The following GRM5 variants were observed in gnomAD, a reference collection of about 807,000 sequenced individuals.
GRM5 encodes the protein metabotropic glutamate receptor 5.
A neutral mutation model predicts 83.1 loss-of-function variants in GRM5; 19 were observed. The observed-to-expected ratio is 0.23, with a 90% CI of 0.16 to 0.34. GRM5 has a LOEUF of 0.34. GRM5 is among the 10% of genes least tolerant of loss of function. GRM5 has a pLI of 1.00. For synonymous variants in GRM5, 675 were observed against 633.6 expected (o/e 1.07, Z -0.98); for missense variants, 1,160 against 1,588.3 (o/e 0.73, Z 4.58).
At chr11:88,769,238 C>T (rs1942681517) in intron 3 of GRM5, among the ~76,000 whole-genome samples, 1 of 151,886 alleles carries the variant, frequency 6.6e-6, no homozygotes, top group Non-Finnish European at 1.5e-5. Flanking sequence ...GAGATTGATC[C>T]ATATGGTAAT....
At chr11:88,823,226 C>T (rs1943832806) in intron 3 of GRM5, among the ~76,000 whole-genome samples, 1 of 150,148 alleles carries the variant, frequency 6.7e-6, no homozygotes, top group Non-Finnish European at 1.5e-5. Context: ...TTATTATATT[C>T]CTTTGTGGAA....
chr11:88,734,503 T>G (rs1302038441), intron 3 of GRM5, among the ~76,000 whole-genome samples: 1 of 152,024 alleles, frequency 6.6e-6, no homozygotes, highest in Admixed American at 6.6e-5. Context: ...CCTCCCATGT[T>G]TTTTGCAACA....
intron 2 of GRM5, among the ~76,000 whole-genome samples, chr11:88,995,865 G>T (rs1317811440): frequency 1.3e-5 from 2 of 151,960 alleles, no homozygotes; most frequent in Non-Finnish European, 1.5e-5. Flanking sequence ...TTACATATTG[G>T]GGCTCTGGGC....
At chr11:88,999,549 T>C (rs1298233039) in intron 2 of GRM5, among the ~76,000 whole-genome samples, 12 of 152,196 alleles carry the variant, frequency 7.9e-5, no homozygotes, top group Admixed American at 7.2e-4. Flanking sequence ...TACCATCTCA[T>C]ACCAGTTAGA....
At chr11:88,818,559 TTTC>T (rs1943729598) in intron 3 of GRM5, among the ~76,000 whole-genome samples, 1 of 152,150 alleles carries the variant, frequency 6.6e-6, no homozygotes, top group African/African-American at 2.4e-5. Context: ...CTTGTATAAT[TTTC>T]TTATTATTTT....
chr11:88,625,469 T>G (rs1041520353), intron 4 of GRM5, among the ~76,000 whole-genome samples: 1 of 152,030 alleles, frequency 6.6e-6, no homozygotes, highest in South Asian at 2.1e-4. Flanking sequence ...AAAGAAGTAT[T>G]TGGTGGATTT....
intron 3 of GRM5, among the ~76,000 whole-genome samples, chr11:88,753,333 A>C (rs373128891): frequency 6.6e-6 from 1 of 152,022 alleles, no homozygotes; most frequent in African/African-American, 2.4e-5. Flanking sequence ...CATGTGGCCA[A>C]TAAACATATG....
chr11:88,870,332 AAAT>A (rs2135560562), intron 2 of GRM5, among the ~76,000 whole-genome samples: 1 of 151,738 alleles, frequency 6.6e-6, no homozygotes, highest in African/African-American at 2.4e-5. Context: ...TATAGAATGA[AAAT>A]AATATTTAAA....
Position 88,809,893 on chromosome 11 carries a change from G to A in GRM5, c.911+40013C>T, listed in dbSNP as rs1464627281. Reference sequence around the variant, plus strand: ...TTAATTTAGCATAAATATATCCCATGCAATCTTAGGGATAGCTGATACTAA... The same window carrying A: ...TTAATTTAGCATAAATATATCCCATACAATCTTAGGGATAGCTGATACTAA... On this transcript the variant is annotated intron_variant, in intron 3 of 9. Transcript: ENST00000305447. 2.6e-5 allele frequency among the ~76,000 whole-genome samples: 4 copies of A among 152,022 alleles called. No individual in the cohort carries two copies. In the East Asian group the frequency reaches 7.7e-4, roughly 29 times the overall value.
chr11:88,650,727 T>C (rs1468426446), intron 4 of GRM5, among the ~76,000 whole-genome samples: 1 of 152,044 alleles, frequency 6.6e-6, no homozygotes, highest in East Asian at 1.9e-4. Flanking sequence ...TTGAACTATA[T>C]ATTGACTATT....
At chr11:88,660,399 C>G (rs539282197) in intron 3 of GRM5, among the ~76,000 whole-genome samples, 1 of 152,248 alleles carries the variant, frequency 6.6e-6, no homozygotes, top group African/African-American at 2.4e-5. Flanking sequence ...ATACAATGGG[C>G]ATGGATTTTC....
chr11:88,560,299 C>T (rs889593546), intron 8 of GRM5, among the ~76,000 whole-genome samples: 2 of 152,120 alleles, frequency 1.3e-5, no homozygotes, highest in African/African-American at 2.4e-5. Context: ...TTTCTAATTT[C>T]GGGCAGAATT....
At chr11:88,743,348 G>T (rs1041384831) in intron 3 of GRM5, among the ~76,000 whole-genome samples, 1 of 152,142 alleles carries the variant, frequency 6.6e-6, no homozygotes, top group Non-Finnish European at 1.5e-5. Context: ...ACTAGTACAA[G>T]ATTCTAGGGG....
intron 1 of GRM5, among the ~76,000 whole-genome samples, chr11:89,059,045 A>G (rs1259847940): frequency 6.6e-6 from 1 of 152,158 alleles, no homozygotes; most frequent in Non-Finnish European, 1.5e-5. Context: ...GTAAAATATA[A>G]TGAATGTAAG....
chr11:88,844,401 T>TAC lies in GRM5; in HGVS notation c.911+5503_911+5504dup, dbSNP rs1555025988. On this transcript the variant is annotated intron_variant, in intron 3 of 9. Coordinates refer to ENST00000305447, the MANE Select transcript of GRM5 (RefSeq NM_001143831.3). ...ACACACACACACACATATATATATA[T>TAC]ACAAAAATCCTTTCAAAATACTACT... is the stretch of plus-strand genomic sequence containing the variant. Among the ~76,000 whole-genome samples the TAC allele has an allele frequency of 2.0e-4, 30 of 151,506 alleles. 1 individual carries two copies. Among genetic ancestry groups the TAC allele is most frequent in the African/African-American group, 2.7e-4 (11 of 41,250 alleles).
intron 2 of GRM5, among the ~76,000 whole-genome samples, chr11:88,972,139 C>T (rs1939182020): frequency 6.6e-6 from 1 of 152,108 alleles, no homozygotes; most frequent in Non-Finnish European, 1.5e-5. Flanking sequence ...GACCATAAAC[C>T]ATAAATGACA....
intron 2 of GRM5, among the ~76,000 whole-genome samples, chr11:89,022,980 T>C (rs1282787243): frequency 1.3e-5 from 2 of 152,178 alleles, no homozygotes; most frequent in African/African-American, 2.4e-5. Context: ...AAATCAGGGA[T>C]GGGTCCCAAG....
At chr11:88,774,830 T>C (rs973411445) in intron 3 of GRM5, among the ~76,000 whole-genome samples, 2 of 152,226 alleles carry the variant, frequency 1.3e-5, no homozygotes, top group Non-Finnish European at 2.9e-5. Flanking sequence ...TTTGATGTGC[T>C]GCTGGATTCA....
At chr11:88,961,513 C>T (rs1202090390) in intron 2 of GRM5, among the ~76,000 whole-genome samples, 1 of 152,152 alleles carries the variant, frequency 6.6e-6, no homozygotes. Flanking sequence ...CCTCATTTGT[C>T]TCACAGATAA....
Sources: gnomAD v4.1 joint callset for allele counts (sites outside exome capture counted in the v4.1 genomes callset) on GRCh38, gnomAD v4.1.1 for gene constraint, MANE v1.5 for transcripts, NCBI Gene and HGNC (gene_info 2026-07-23, HGNC 2026-07-21) for gene names.